Variants in ADAMTS17 observed in about 807,000 individuals in gnomAD.
The protein encoded by ADAMTS17 is A disintegrin and metalloproteinase with thrombospondin motifs 17.
In ADAMTS17, 113 loss-of-function variants were observed where a neutral mutation model predicts 141.5. That is an observed-to-expected ratio of 0.80 (90% confidence interval 0.69 to 0.93). The LOEUF is 0.93. ADAMTS17 is among the 40% of genes least tolerant of loss of function. The pLI is 0.00. For synonymous variants in ADAMTS17, 768 were observed against 630.6 expected, an observed-to-expected ratio of 1.22 and a Z score of -3.27; for missense variants, 1,659 against 1,517.9, an observed-to-expected ratio of 1.09 and a Z score of -1.54.
intron 13 of ADAMTS17, among the ~76,000 whole-genome samples, chr15:100,112,346 C>A (rs1455221239): frequency 6.6e-6 from 1 of 152,126 alleles, no homozygotes; most frequent in East Asian, 1.9e-4. Flanking sequence ...AGAGGTGGGG[C>A]TTCCCTTCCC....
At chr15:100,003,446 G>A (rs2141371050) in intron 18 of ADAMTS17, among the ~76,000 whole-genome samples, 1 of 152,210 alleles carries the variant, frequency 6.6e-6, no homozygotes, top group South Asian at 2.1e-4. Flanking sequence ...TCAGTCAGCA[G>A]GGTTGGCCGC....
At chr15:100,315,813 A>G (rs2045548695) in intron 3 of ADAMTS17, among the ~76,000 whole-genome samples, 1 of 152,240 alleles carries the variant, frequency 6.6e-6, no homozygotes, top group Admixed American at 6.5e-5. Context: ...TCATTTAAAC[A>G]CTGCCCCAGG....
chr15:100,115,074 G>T (rs977333416), intron 13 of ADAMTS17, among the ~76,000 whole-genome samples: 3 of 152,218 alleles, frequency 2.0e-5, no homozygotes. Context: ...CCTGCAAAGT[G>T]GGAGTGGGCA....
chr15:100,056,336 A>C (rs2032562126), intron 15 of ADAMTS17, among the ~76,000 whole-genome samples: 1 of 152,040 alleles, frequency 6.6e-6, no homozygotes, highest in South Asian at 2.1e-4. Context: ...AGATAGAAAA[A>C]ACCAAGGGGC....
At chr15:100,150,442 T>G (rs978910108) in intron 10 of ADAMTS17, among the ~76,000 whole-genome samples, 3 of 152,168 alleles carry the variant, frequency 2.0e-5, no homozygotes, top group Admixed American at 6.5e-5. Context: ...CTAATCTCTC[T>G]TAGCTTCTAT....
chr15:100,008,039 CTTTGGAT>C (rs560066985), intron 18 of ADAMTS17, among the ~76,000 whole-genome samples: 8 of 152,156 alleles, frequency 5.3e-5, no homozygotes, highest in African/African-American at 1.4e-4. Flanking sequence ...TGAAAGGCAT[CTTTGGAT>C]TTGGCAGCAG....
intron 3 of ADAMTS17, among the ~76,000 whole-genome samples, chr15:100,324,541 T>C (rs951673033): frequency 7.9e-5 from 12 of 152,178 alleles, no homozygotes; most frequent in Admixed American, 2.0e-4. Context: ...ATGTTCGCCA[T>C]AGTATGCAAA....
At chr15:100,023,483 G>A (rs1055793539) in intron 18 of ADAMTS17, among the ~76,000 whole-genome samples, 47 of 152,152 alleles carry the variant, frequency 3.1e-4, no homozygotes, top group Middle Eastern at 3.4e-3. Flanking sequence ...TGGGATTACA[G>A]GGGTGAGCCA....
intron 7 of ADAMTS17, among the ~76,000 whole-genome samples, chr15:100,242,475 G>A (rs1262214030): frequency 6.6e-6 from 1 of 152,102 alleles, no homozygotes; most frequent in Non-Finnish European, 1.5e-5. Context: ...AATCTCTACT[G>A]GCATGTCCTT....
intron 3 of ADAMTS17, among the ~76,000 whole-genome samples, chr15:100,294,329 C>A (rs1207452425): frequency 6.6e-6 from 1 of 152,160 alleles, no homozygotes; most frequent in Non-Finnish European, 1.5e-5. Context: ...CCAGTCTGAA[C>A]ACTCACCAAA....
intron 3 of ADAMTS17, among the ~76,000 whole-genome samples, chr15:100,301,114 T>C (rs2045016662): frequency 6.6e-6 from 1 of 152,188 alleles, no homozygotes; most frequent in African/African-American, 2.4e-5. Context: ...AGCACTATGG[T>C]AAATATTATT....
Position 99,997,713 on chromosome 15 carries a change from G to A in ADAMTS17, c.2592-124C>T. On this transcript the variant is annotated intron_variant, in intron 18 of 21. Transcript: ENST00000268070. The surrounding 1 kb of genome is among the most constrained non-coding windows in gnomAD (Gnocchi z 4.7). ...GGAGAGAGGGAGGCAGACTCAGGAA[G>A]CTTTTCAGCCAACCCTGGACATAAC... The A allele has an allele frequency of 8.2e-7, 1 of 1,212,682 alleles. No individual in the cohort carries two copies. Among genetic ancestry groups the A allele is most frequent in the Non-Finnish European group, 1.2e-6 (1 of 842,358 alleles). 75.1% of individuals were successfully genotyped at this position (1,212,682 alleles called of 1,614,324 possible).
chr15:100,207,752 G>T (rs1395534964), intron 7 of ADAMTS17, among the ~76,000 whole-genome samples: 8 of 152,116 alleles, frequency 5.3e-5, no homozygotes, highest in African/African-American at 1.9e-4. Context: ...TTTGACAATG[G>T]GGTACACCTT....
intron 3 of ADAMTS17, among the ~76,000 whole-genome samples, chr15:100,320,242 C>A (rs548213536): frequency 2.4e-4 from 36 of 152,124 alleles, no homozygotes; most frequent in African/African-American, 8.2e-4. Context: ...CCACATATAT[C>A]AACTAGGAAT....
rs558854149 is a variant in ADAMTS17 at position 100,328,477 on chromosome 15, G to A, written c.616+2412C>T. On this transcript the variant is annotated intron_variant, in intron 3 of 21. Transcript: ENST00000268070. ...CTGAGTCTGGCACAACCTTAAATCCGCACATTACTCCCGCACCAAAAAGCA... is the reference window on the plus strand; with the variant it reads ...CTGAGTCTGGCACAACCTTAAATCCACACATTACTCCCGCACCAAAAAGCA... Among the ~76,000 whole-genome samples, 165 of 152,212 alleles carry A rather than the reference G, an allele frequency of 1.1e-3. 1 individual carries two copies. In the South Asian group the frequency reaches 0.011, roughly 10 times the overall value.
intron 3 of ADAMTS17, among the ~76,000 whole-genome samples, chr15:100,281,717 G>A (rs2044290878): frequency 6.6e-6 from 1 of 152,186 alleles, no homozygotes; most frequent in Non-Finnish European, 1.5e-5. Context: ...AGCACGGAGA[G>A]CTGCCAAGTA....
chr15:100,050,733 C>G (rs1299381060), intron 17 of ADAMTS17, among the ~76,000 whole-genome samples: 1 of 152,220 alleles, frequency 6.6e-6, no homozygotes, highest in African/African-American at 2.4e-5. Flanking sequence ...CATTATCCAA[C>G]TCTCTGGGTT....
At chr15:100,119,383 G>A (rs564871808) in intron 12 of ADAMTS17, among the ~76,000 whole-genome samples, 12 of 152,240 alleles carry the variant, frequency 7.9e-5, no homozygotes, top group South Asian at 2.1e-4. Context: ...AACAAAACAC[G>A]GACTGGAAGG....
chr15:100,061,078 G>C (rs1005407608), intron 15 of ADAMTS17, among the ~76,000 whole-genome samples: 7 of 152,198 alleles, frequency 4.6e-5, no homozygotes, highest in Non-Finnish European at 1.0e-4. Flanking sequence ...CTGGAGAGCT[G>C]AGCAGTCACC....
Sources: allele counts gnomAD v4.1 joint callset (sites outside exome capture counted in the v4.1 genomes callset), GRCh38; gene constraint gnomAD v4.1.1; non-coding constraint Gnocchi (gnomAD v3.1); transcripts MANE v1.5; gene names NCBI Gene and HGNC (gene_info 2026-07-23, HGNC 2026-07-21).